TAX1BP1: variants seen among roughly 807,000 people sequenced by gnomAD.
TAX1BP1 encodes the protein Tax1 binding protein 1.
A neutral mutation model predicts 97.7 loss-of-function variants in TAX1BP1; 62 were observed. The ratio of observed to expected loss-of-function variants is 0.63; its 90% CI spans 0.52 to 0.78. The LOEUF is 0.78. Among genes scored for constraint, TAX1BP1 ranks in the 30% least tolerant of loss-of-function variants. The pLI is 0.00. For synonymous variants in TAX1BP1, 340 were observed against 304.2 expected, an observed-to-expected ratio of 1.12 and a Z score of -1.23; for missense variants, 867 against 916.1, an observed-to-expected ratio of 0.95 and a Z score of 0.69.
At chr7:27,796,915 A>G (rs1789955256) in intron 12 of TAX1BP1, among the ~76,000 whole-genome samples, 1 of 152,080 alleles carries the variant, frequency 6.6e-6, no homozygotes. Flanking sequence ...TACATCTTAA[A>G]GTGACTAGAC....
At chr7:27,739,936 T>C (rs2128304626), upstream of TAX1BP1, 1 of 152,332 alleles carries the variant, frequency 6.6e-6, no homozygotes, top group East Asian at 1.9e-4. Flanking sequence ...AAAATCAGAA[T>C]GTAAATCCAG....
At chr7:27,751,300 A>G (rs1489066311) in intron 2 of TAX1BP1, among the ~76,000 whole-genome samples, 7 of 152,208 alleles carry the variant, frequency 4.6e-5, no homozygotes, top group African/African-American at 9.6e-5. Flanking sequence ...TAATACAGGA[A>G]GGCTCAAGGA....
At chr7:27,825,099 T>G (rs1791124919) in intron 15 of TAX1BP1, among the ~76,000 whole-genome samples, 1 of 152,138 alleles carries the variant, frequency 6.6e-6, no homozygotes, top group African/African-American at 2.4e-5. Flanking sequence ...TGATTAAGGT[T>G]TATTTAAAAA....
chr7:27,795,109 A>G (rs1789870101), intron 11 of TAX1BP1, among the ~76,000 whole-genome samples: 2 of 152,074 alleles, frequency 1.3e-5, no homozygotes, highest in South Asian at 4.1e-4. Flanking sequence ...GAGAAAGTAT[A>G]TTTTCTTGTT....
chr7:27,741,688 G>A (rs1787611627), intron 1 of TAX1BP1, among the ~76,000 whole-genome samples: 1 of 152,062 alleles, frequency 6.6e-6, no homozygotes, highest in African/African-American at 2.4e-5. Context: ...CTCCACACCT[G>A]TGGGTGTTTC....
intron 13 of TAX1BP1, among the ~76,000 whole-genome samples, chr7:27,805,442 ATACT>A (rs1790301546): frequency 8.5e-6 from 1 of 117,154 alleles, no homozygotes; most frequent in Admixed American, 8.1e-5. Flanking sequence ...TATGCTCACT[ATACT>A]TACTTTTACC....
Position 27,796,188 on chromosome 7 carries a change from A to G in TAX1BP1, c.1607A>G (p.Glu536Gly). ...EMTKEIADKT[E>G]KYNKCKQLLQ... Reference sequence around the variant, plus strand: ...ACCAAAGAAATTGCTGACAAAACAGAAAAGTATAATAAATGTAAACAACTC... The same window carrying G: ...ACCAAAGAAATTGCTGACAAAACAGGAAAGTATAATAAATGTAAACAACTC... The change falls in exon 12 of 17, where the codon GAA (glutamate) becomes GGA (glycine). Residue 536 changes from glutamate (E) to glycine (G), a missense_variant. Transcript: ENST00000396319. 6.3e-7 allele frequency: 1 copy of G among 1,593,298 alleles called. No homozygotes were observed. Among genetic ancestry groups the G allele is most frequent in the South Asian group, 1.2e-5 (1 of 85,782 alleles).
intron 5 of TAX1BP1, among the ~76,000 whole-genome samples, chr7:27,777,653 C>G (rs1340870556): frequency 1.3e-5 from 2 of 152,130 alleles, no homozygotes; most frequent in Non-Finnish European, 2.9e-5. Flanking sequence ...CTACATGATT[C>G]TTCTCTGGTA....
intron 8 of TAX1BP1, among the ~76,000 whole-genome samples, chr7:27,790,860 T>C (rs1789678151): frequency 6.6e-6 from 1 of 152,122 alleles, no homozygotes; most frequent in African/African-American, 2.4e-5. Context: ...ATGTTACTGT[T>C]TTTTTGATCT....
intron 15 of TAX1BP1, among the ~76,000 whole-genome samples, chr7:27,824,007 G>C (rs917283601): frequency 6.6e-6 from 1 of 151,856 alleles, no homozygotes; most frequent in Non-Finnish European, 1.5e-5. Flanking sequence ...TTGTTTATCC[G>C]TGCATATATC....
chr7:27,787,691 G>A, intron 8 of TAX1BP1, 88 bp downstream of exon 8: 1 of 1,241,524 alleles, frequency 8.1e-7, no homozygotes, highest in Non-Finnish European at 1.1e-6. Flanking sequence ...ATTCCCCCAA[G>A]CTTTTGTTCT....
intron 5 of TAX1BP1, among the ~76,000 whole-genome samples, chr7:27,777,630 T>G (rs999751665): frequency 2.6e-5 from 4 of 152,172 alleles, no homozygotes; most frequent in African/African-American, 9.7e-5. Flanking sequence ...TGCAGATCTC[T>G]CGAGTTCTTT....
intron 3 of TAX1BP1, among the ~76,000 whole-genome samples, chr7:27,763,767 C>CAAAAAAA (rs575118347): frequency 1.7e-5 from 2 of 118,780 alleles, no homozygotes; most frequent in African/African-American, 6.3e-5. Context: ...GACTCTGTCT[C>CAAAAAAA]AAAAAAAAAA....
chr7:27,752,856 G>A (rs1047983944), intron 2 of TAX1BP1, among the ~76,000 whole-genome samples: 1 of 152,180 alleles, frequency 6.6e-6, no homozygotes, highest in African/African-American at 2.4e-5. Flanking sequence ...TGAACCTTAT[G>A]TAAATTGGCA....
At chr7:27,783,908 T>C (rs1436944521) in intron 5 of TAX1BP1, among the ~76,000 whole-genome samples, 3 of 152,216 alleles carry the variant, frequency 2.0e-5, no homozygotes, top group African/African-American at 7.2e-5. Flanking sequence ...TTTTCTCTGG[T>C]ATTATGGCAT....
chr7:27,800,996 C>A (rs1047355578), intron 13 of TAX1BP1, among the ~76,000 whole-genome samples: 1 of 150,846 alleles, frequency 6.6e-6, no homozygotes, highest in African/African-American at 2.4e-5. Flanking sequence ...CCCAGTTACT[C>A]GGGAGGCTGA....
intron 3 of TAX1BP1, among the ~76,000 whole-genome samples, chr7:27,760,595 C>T (rs948811145): frequency 2.0e-5 from 3 of 151,806 alleles, no homozygotes; most frequent in African/African-American, 7.3e-5. Flanking sequence ...GGGGTTTCAC[C>T]GTGTTAGCCA....
Position 27,805,707 on chromosome 7 carries a change from C to T in TAX1BP1, c.1764+5617C>T, listed in dbSNP as rs567860344. Among the ~76,000 whole-genome samples the T allele has an allele frequency of 7.2e-5, 11 of 152,162 alleles. No individual in the cohort carries two copies. In the East Asian group the frequency reaches 2.1e-3, roughly 29 times the overall value. ...CAAAAATTAGCCAGGCATGGTGGCT[C>T]ATGCCATGAGCCCAGCTACTTGGGA... On this transcript the variant is annotated intron_variant, in intron 13 of 16. Transcript: ENST00000396319.
chr7:27,812,407 T>TG (rs1790592379), intron 13 of TAX1BP1, among the ~76,000 whole-genome samples: 1 of 152,202 alleles, frequency 6.6e-6, no homozygotes, highest in South Asian at 2.1e-4. Context: ...TCAGATATTT[T>TG]GGTGTTATTT....
Sources: gnomAD v4.1 joint callset for allele counts (sites outside exome capture counted in the v4.1 genomes callset) on GRCh38, gnomAD v4.1.1 for gene constraint, MANE v1.5 for transcripts, NCBI Gene and HGNC (gene_info 2026-07-23, HGNC 2026-07-21) for gene names.